TP63: variants seen among roughly 807,000 people sequenced by gnomAD.
TP63 encodes the protein tumor protein 63.
A neutral mutation model predicts 82.8 loss-of-function variants in TP63; 17 were observed. The ratio of observed to expected loss-of-function variants is 0.21; its 90% confidence interval spans 0.14 to 0.31. TP63 has a LOEUF of 0.31. TP63 is among the 10% of genes least tolerant of loss of function. TP63 has a pLI of 1.00. For missense variants in TP63, 648 were observed against 895.3 expected (o/e 0.72, Z 3.52); for synonymous variants, 330 against 321.7 (o/e 1.03, Z -0.28).
intron 3 of TP63, among the ~76,000 whole-genome samples, chr3:189,804,826 G>A (rs1726712749): frequency 1.3e-5 from 2 of 152,178 alleles, no homozygotes; most frequent in African/African-American, 4.8e-5. Flanking sequence ...AAAGACAACG[G>A]AGTATACTAC....
chr3:189,701,833 G>A (rs1334522805), intron 1 of TP63, among the ~76,000 whole-genome samples: 2 of 152,014 alleles, frequency 1.3e-5, no homozygotes, highest in Non-Finnish European at 2.9e-5. Flanking sequence ...CTGGCCCACG[G>A]TCATGTTCAG....
intron 1 of TP63, among the ~76,000 whole-genome samples, chr3:189,708,239 A>G (rs1481854047): frequency 2.0e-5 from 3 of 152,228 alleles, no homozygotes; most frequent in Non-Finnish European, 4.4e-5. Context: ...ACTTGGAACC[A>G]GTTTCAGCAA....
chr3:189,663,002 T>A (rs1288450628), intron 1 of TP63, among the ~76,000 whole-genome samples: 1 of 138,814 alleles, frequency 7.2e-6, no homozygotes, highest in Admixed American at 8.2e-5. Context: ...GTGGCTTTCA[T>A]AAGTGCTCTG....
intron 1 of TP63, among the ~76,000 whole-genome samples, chr3:189,729,261 TGA>T: frequency 6.6e-6 from 1 of 152,252 alleles, no homozygotes. Flanking sequence ...ATTTCATAAT[TGA>T]GAGAGAAAAA....
chr3:189,893,789 G>GA (rs1418093363), intron 13 of TP63, among the ~76,000 whole-genome samples: 3 of 152,172 alleles, frequency 2.0e-5, no homozygotes, highest in African/African-American at 7.2e-5. Flanking sequence ...CTGGCACATA[G>GA]AAAGTACTCA....
chr3:189,621,773 G>A, the TP63 span, among the ~76,000 whole-genome samples: 1 of 152,050 alleles, frequency 6.6e-6, no homozygotes, highest in Non-Finnish European at 1.5e-5. Context: ...TGGTAATTCA[G>A]TTCCATGGGG....
chr3:189,789,041 G>T (rs1003028236), intron 3 of TP63, among the ~76,000 whole-genome samples: 1 of 151,898 alleles, frequency 6.6e-6, no homozygotes, highest in Non-Finnish European at 1.5e-5. Flanking sequence ...GGGACCGGTG[G>T]TTTAACTTGT....
At chr3:189,865,024 GA>G (rs60262307) in intron 5 of TP63, among the ~76,000 whole-genome samples, 34,226 of 150,276 alleles carry the variant, frequency 0.23, 6,709 homozygotes, top group African/African-American at 0.54. Flanking sequence ...AAAAATAAAT[GA>G]AAAAAAAATA....
At chr3:189,778,274 AATGGCCTCTAACTG>A (rs1032089525) in intron 3 of TP63, among the ~76,000 whole-genome samples, 4 of 152,230 alleles carry the variant, frequency 2.6e-5, no homozygotes, top group South Asian at 2.1e-4. Context: ...GGAGAAATAA[AATGGCCTCTAACTG>A]ATGGCCTCTA....
At chr3:189,748,508 CAAAAAA>C (rs58926854) in intron 3 of TP63, among the ~76,000 whole-genome samples, 2 of 31,254 alleles carry the variant, frequency 6.4e-5, no homozygotes. Context: ...AGGAAAACTA[CAAAAAA>C]AAAAAAAAAA....
intron 1 of TP63, among the ~76,000 whole-genome samples, chr3:189,666,785 T>C (rs1167054565): frequency 3.3e-5 from 5 of 152,100 alleles, no homozygotes; most frequent in Admixed American, 6.6e-5. Flanking sequence ...ATATGGGTAG[T>C]TCTCAAGTAA....
intron 3 of TP63, among the ~76,000 whole-genome samples, chr3:189,765,432 G>GTTTTTTT (rs1560167431): frequency 4.8e-4 from 3 of 6,186 alleles, no homozygotes; most frequent in Non-Finnish European, 1.1e-3. Flanking sequence ...CCTGTCCTCT[G>GTTTTTTT]CTTTTTTTTT....
At chr3:189,800,827 ATAG>A (rs1190292709) in intron 3 of TP63, among the ~76,000 whole-genome samples, 2 of 152,228 alleles carry the variant, frequency 1.3e-5, no homozygotes, top group African/African-American at 2.4e-5. Flanking sequence ...AGAATTAATA[ATAG>A]TAGAAGTAAT....
intron 4 of TP63, among the ~76,000 whole-genome samples, chr3:189,822,011 T>C (rs1039943985): frequency 6.6e-6 from 1 of 152,174 alleles, no homozygotes; most frequent in Non-Finnish European, 1.5e-5. Context: ...AATTCAGCTT[T>C]GTGGTCAGAT....
the TP63 span, among the ~76,000 whole-genome samples, chr3:189,609,402 T>C: frequency 2.6e-5 from 4 of 152,120 alleles, no homozygotes; most frequent in African/African-American, 4.8e-5. Flanking sequence ...TTTTTAACTT[T>C]TATTTTTTGG....
rs1721428945 is a variant in TP63 at position 189,895,885 on chromosome 3, G to T, written c.*1383G>T. On this transcript the variant is annotated 3_prime_UTR_variant, in exon 14 of 14. Coordinates refer to ENST00000264731, the MANE Select transcript of TP63 (RefSeq NM_003722.5). ...TATCATTTTCTTTTTTAACCGGTAA[G>T]AGTTTCAGTTTGTTGGAAAGTAACT... The T allele has an allele frequency of 4.4e-6, 1 of 226,068 alleles. No homozygotes were observed. The highest frequency in any genetic ancestry group is 6.4e-5 in the East Asian group (1 of 15,616). 14.0% of individuals were successfully genotyped at this position (226,068 alleles called of 1,614,324 possible). A position where few individuals can be genotyped will look rare whatever the true frequency, so the allele number is the denominator to read the frequency against.
chr3:189,843,749 C>T (rs993628380), intron 4 of TP63, among the ~76,000 whole-genome samples: 1 of 152,098 alleles, frequency 6.6e-6, no homozygotes, highest in African/African-American at 2.4e-5. Flanking sequence ...TCAAAAAATC[C>T]GGGGCCAAAG....
intron 3 of TP63, among the ~76,000 whole-genome samples, chr3:189,754,858 CT>C (rs1722071660): frequency 6.6e-6 from 1 of 152,086 alleles, no homozygotes; most frequent in African/African-American, 2.4e-5. Flanking sequence ...TCTCTTTTTC[CT>C]TTTCAAGTTC....
intron 10 of TP63, chr3:189,881,036 A>G (rs755539923): frequency 8.1e-5 from 80 of 985,282 alleles, no homozygotes; most frequent in Non-Finnish European, 9.4e-5. Context: ...GTTGTTTACC[A>G]TTATTCAAAG....
Sources: gnomAD v4.1 joint callset for allele counts (sites outside exome capture counted in the v4.1 genomes callset) on GRCh38, gnomAD v4.1.1 for gene constraint, MANE v1.5 for transcripts, NCBI Gene and HGNC (gene_info 2026-07-23, HGNC 2026-07-21) for gene names.